MYT1L: variants seen among roughly 807,000 people sequenced by gnomAD.
MYT1L encodes myelin transcription factor 1-like protein.
MYT1L carries 12 observed loss-of-function variants against 126.7 expected under a neutral mutation model. That is an observed-to-expected ratio of 0.09 (90% CI 0.06 to 0.15). The LOEUF is 0.15. Ranked by LOEUF, MYT1L falls within the 10% of genes least tolerant of loss-of-function variation. The pLI is 1.00. For missense variants in MYT1L, 979 were observed against 1,585.2 expected (o/e 0.62, Z 6.49); for synonymous variants, 541 against 604.2 (o/e 0.90, Z 1.53).
chr2:2,048,992 T>G (rs1477453822), intron 4 of MYT1L, among the ~76,000 whole-genome samples: 2 of 152,218 alleles, frequency 1.3e-5, no homozygotes, highest in Non-Finnish European at 2.9e-5. Flanking sequence ...ACAATTTTAT[T>G]TATTTTTAAC....
intron 10 of MYT1L, among the ~76,000 whole-genome samples, chr2:1,918,731 G>T (rs1248672970): frequency 6.6e-6 from 1 of 152,158 alleles, no homozygotes; most frequent in Non-Finnish European, 1.5e-5. Context: ...GGTGTTGAGG[G>T]AAATACCATT....
intron 8 of MYT1L, among the ~76,000 whole-genome samples, chr2:1,951,102 G>A (rs2057712548): frequency 6.6e-6 from 1 of 152,066 alleles, no homozygotes; most frequent in Admixed American, 6.6e-5. Context: ...GCTTACAGGT[G>A]ATTCTCTATA....
chr2:2,091,119 A>G (rs754870036), intron 3 of MYT1L, among the ~76,000 whole-genome samples: 5 of 152,226 alleles, frequency 3.3e-5, no homozygotes, highest in African/African-American at 7.2e-5. Context: ...CCAATTGTGA[A>G]TTCTTTCCAG....
At chr2:2,019,919 G>C (rs1044650435) in intron 4 of MYT1L, among the ~76,000 whole-genome samples, 1 of 151,948 alleles carries the variant, frequency 6.6e-6, no homozygotes, top group Non-Finnish European at 1.5e-5. Context: ...ATCTCAGCTC[G>C]CTGCAACCTC....
intron 2 of MYT1L, among the ~76,000 whole-genome samples, chr2:2,250,770 T>A (rs2094626319): frequency 6.6e-6 from 1 of 152,070 alleles, no homozygotes; most frequent in Non-Finnish European, 1.5e-5. Context: ...CTCTTGTACA[T>A]CATAAATATA....
chr2:2,062,561 T>C (rs980285799), intron 3 of MYT1L, among the ~76,000 whole-genome samples: 11 of 152,236 alleles, frequency 7.2e-5, no homozygotes, highest in African/African-American at 2.7e-4. Flanking sequence ...TGTTGTTGGT[T>C]TTCTGTTTCT....
At chr2:1,942,876 G>C in intron 9 of MYT1L, 106 bp downstream of exon 9, 2 of 1,414,370 alleles carry the variant, frequency 1.4e-6, no homozygotes, top group Non-Finnish European at 1.9e-6. Flanking sequence ...TGACCAAGAA[G>C]AACAATTTCT....
rs187630183 is a variant in MYT1L, at chr2:2,238,697, A to C, written c.-421+45707T>G. Among the ~76,000 whole-genome samples the C allele has an allele frequency of 2.2e-4, 33 of 152,354 alleles. 1 individual carries two copies. The East Asian group carries it at 2.7e-3, about 12-fold the overall frequency. On this transcript the variant is annotated intron_variant, in intron 2 of 24. Transcript: ENST00000647738. The stretch of plus-strand genomic sequence containing the variant: ...TCTCCGTGTAGGAGCTCTGCTACTA[A>C]AGCACTCTTAGAGATCAACTTGTGA...
chr2:1,936,929 C>T (rs1009016543), intron 9 of MYT1L, among the ~76,000 whole-genome samples: 7 of 152,308 alleles, frequency 4.6e-5, no homozygotes, highest in Admixed American at 1.3e-4. Flanking sequence ...AAAGAAAACA[C>T]ACCCTGGGAA....
At chr2:1,831,705 G>A (rs1232107647) in intron 21 of MYT1L, among the ~76,000 whole-genome samples, 1 of 152,116 alleles carries the variant, frequency 6.6e-6, no homozygotes, top group Non-Finnish European at 1.5e-5. Flanking sequence ...TATTGTGTGT[G>A]TTCTTTTCTC....
intron 3 of MYT1L, among the ~76,000 whole-genome samples, chr2:2,155,363 C>A (rs72767400): frequency 0.043 from 6,542 of 152,220 alleles, 212 homozygotes; most frequent in Non-Finnish European, 0.066. Context: ...CAGGAGCCAA[C>A]CATCTTCTTG....
intron 4 of MYT1L, among the ~76,000 whole-genome samples, chr2:1,997,898 GC>G (rs2062010026): frequency 6.6e-6 from 1 of 152,248 alleles, no homozygotes; most frequent in Admixed American, 6.5e-5. Flanking sequence ...ATGTCATTTG[GC>G]CATCAATTGA....
chr2:1,839,854 A>G (rs941940801), intron 20 of MYT1L, among the ~76,000 whole-genome samples: 1 of 152,202 alleles, frequency 6.6e-6, no homozygotes, highest in Non-Finnish European at 1.5e-5. Context: ...GAGGCCTTAA[A>G]ATGCCCTTCC....
chr2:2,241,277 G>T (rs2094435780), intron 2 of MYT1L, among the ~76,000 whole-genome samples: 1 of 151,022 alleles, frequency 6.6e-6, no homozygotes, highest in East Asian at 1.9e-4. Context: ...TACATCTTTT[G>T]TGTGTGTGTG....
At chr2:2,310,079 C>G (rs568925772) in intron 1 of MYT1L, among the ~76,000 whole-genome samples, 2 of 152,032 alleles carry the variant, frequency 1.3e-5, no homozygotes, top group Non-Finnish European at 1.5e-5. Flanking sequence ...CTTTTATGTT[C>G]TCTACCTAGA....
intron 3 of MYT1L, among the ~76,000 whole-genome samples, chr2:2,150,404 T>C (rs191514483): frequency 6.6e-5 from 10 of 152,330 alleles, no homozygotes; most frequent in Admixed American, 5.9e-4. Flanking sequence ...GAAAATTCCA[T>C]GTAGATTTCA....
intron 4 of MYT1L, among the ~76,000 whole-genome samples, chr2:2,029,806 A>G (rs2066032716): frequency 6.6e-6 from 1 of 152,258 alleles, no homozygotes; most frequent in South Asian, 2.1e-4. Flanking sequence ...TTGGCATTTT[A>G]TCATTGTTTG....
intron 2 of MYT1L, among the ~76,000 whole-genome samples, chr2:2,185,318 T>C (rs551642655): frequency 1.7e-4 from 26 of 152,384 alleles, no homozygotes; most frequent in African/African-American, 6.0e-4. Flanking sequence ...CATTCAGTAC[T>C]GTGTGGTTTT....
At chr2:1,991,206 G>A (rs1053053247) in intron 5 of MYT1L, among the ~76,000 whole-genome samples, 1 of 152,106 alleles carries the variant, frequency 6.6e-6, no homozygotes, top group Middle Eastern at 3.2e-3. Flanking sequence ...AGGAATCGTG[G>A]CCCCAAATCA....
Sources: allele counts gnomAD v4.1 joint callset (sites outside exome capture counted in the v4.1 genomes callset), GRCh38; gene constraint gnomAD v4.1.1; transcripts MANE v1.5; gene names NCBI Gene and HGNC (gene_info 2026-07-23, HGNC 2026-07-21).